AGMO: variants seen among roughly 807,000 people sequenced by gnomAD.
AGMO encodes the protein glyceryl-ether monooxygenase.
AGMO carries 75 observed loss-of-function variants against 60.2 expected under a neutral mutation model. The observed-to-expected ratio is 1.25, with a 90% CI of 1.03 to 1.51. The LOEUF is 1.51. AGMO is among the 40% of genes most tolerant of loss of function. AGMO has a pLI of 0.00. For synonymous variants in AGMO, 261 were observed against 177.1 expected (o/e 1.47, Z -3.76); for missense variants, 763 against 525.5 (o/e 1.45, Z -4.42).
intron 12 of AGMO, among the ~76,000 whole-genome samples, chr7:15,364,811 TTAAA>T (rs1262229364): frequency 2.6e-5 from 4 of 152,224 alleles, no homozygotes; most frequent in East Asian, 1.9e-4. Context: ...TGTTTAATGC[TTAAA>T]TAAAGTTATA....
chr7:15,171,305 G>A, the AGMO span, among the ~76,000 whole-genome samples: 9 of 152,266 alleles, frequency 5.9e-5, no homozygotes, highest in East Asian at 3.9e-4. Context: ...ATGGCAGGAA[G>A]ACCACAGAGG....
chr7:15,332,079 C>T (rs1199182769), intron 12 of AGMO, among the ~76,000 whole-genome samples: 3 of 152,062 alleles, frequency 2.0e-5, no homozygotes, highest in Non-Finnish European at 2.9e-5. Context: ...TGGAAGGAGC[C>T]TAGGTACCTA....
the AGMO span, among the ~76,000 whole-genome samples, chr7:15,127,504 T>C: frequency 6.6e-6 from 1 of 152,064 alleles, no homozygotes; most frequent in South Asian, 2.1e-4. Flanking sequence ...GCTTATTAAA[T>C]TCACTCTAAT....
At chr7:15,361,530 A>C in intron 12 of AGMO, among the ~76,000 whole-genome samples, 1 of 150,398 alleles carries the variant, frequency 6.6e-6, no homozygotes, top group South Asian at 2.1e-4. Context: ...ACAGAGCGAG[A>C]CTGTGTCTCA....
intron 3 of AGMO, among the ~76,000 whole-genome samples, chr7:15,544,266 G>C (rs1369953568): frequency 1.3e-5 from 2 of 152,026 alleles, no homozygotes; most frequent in Admixed American, 1.3e-4. Flanking sequence ...AATGGGTACA[G>C]GGTACAATGC....
rs1340992014 is a variant in AGMO at position 15,560,214 on chromosome 7, T to C, written c.184A>G (p.Lys62Glu). ...TCCAGGCGACCTGGTGGCTTTCCTT[T>C]GAGAATCCAGCTGACAACAAGTTCA... ...LLELVVSWIL[K>E]GKPPGRLDDA... is the part of the protein sequence containing the mutation. The change falls in exon 2 of 13, where the codon AAA (lysine) becomes GAA (glutamate). Residue 62 changes from lysine (K) to glutamate (E), a missense_variant. Transcript: ENST00000342526. The C allele has an allele frequency of 6.2e-7, 1 of 1,612,998 alleles. No homozygotes were observed. The highest frequency in any genetic ancestry group is 8.5e-7 in the Non-Finnish European group (1 of 1,179,356).
intron 3 of AGMO, among the ~76,000 whole-genome samples, chr7:15,465,595 A>ATATATATATATT (rs1782262842): frequency 6.8e-6 from 1 of 146,868 alleles, no homozygotes; most frequent in South Asian, 2.1e-4. Context: ...CTAATTATAT[A>ATATATATATATT]TATATATTTA....
chr7:15,277,509 G>A (rs1358545596), intron 12 of AGMO, among the ~76,000 whole-genome samples: 2 of 150,770 alleles, frequency 1.3e-5, no homozygotes, highest in African/African-American at 4.9e-5. Context: ...TCTTGCTTTT[G>A]GATTTGTTTT....
At chr7:15,259,989 A>C (rs1783220641) in intron 12 of AGMO, among the ~76,000 whole-genome samples, 1 of 150,748 alleles carries the variant, frequency 6.6e-6, no homozygotes, top group African/African-American at 2.4e-5. Context: ...CTTACAGTAT[A>C]AATCTCACAG....
intron 3 of AGMO, among the ~76,000 whole-genome samples, chr7:15,441,050 T>C (rs1391542679): frequency 6.6e-6 from 1 of 152,162 alleles, no homozygotes; most frequent in Non-Finnish European, 1.5e-5. Flanking sequence ...TAAATAATAT[T>C]TTTGATGACA....
In AGMO at chr7:15,312,423, A is replaced by G. The variant is rs187029715; in HGVS notation, c.1263+53091T>C. On this transcript the variant is annotated intron_variant, in intron 12 of 12. Coordinates refer to ENST00000342526, the MANE Select transcript of AGMO (RefSeq NM_001004320.2). The stretch of plus-strand genomic sequence containing the variant: ...AGTTTCCTTTAAGTAATTGAGTGTT[A>G]GAATGAGGGCTGACCTCTCAAGGGA... 3.9e-5 allele frequency among the ~76,000 whole-genome samples: 6 copies of G among 152,114 alleles called. No individual in the cohort carries two copies. The East Asian group carries it at 7.8e-4, about 20-fold the overall frequency.
At chr7:15,355,522 A>G (rs1175403830) in intron 12 of AGMO, among the ~76,000 whole-genome samples, 2 of 151,382 alleles carry the variant, frequency 1.3e-5, no homozygotes, top group Non-Finnish European at 2.9e-5. Context: ...AAAAAAAAAA[A>G]AAGAAGGTAA....
In AGMO at chr7:15,390,751, C is replaced by T. The variant is rs377717439; in HGVS notation, c.743-1G>A. The T allele has an allele frequency of 1.9e-6, 3 of 1,606,938 alleles. No individual in the cohort carries two copies. The African/African-American group carries it at 4.0e-5, about 22-fold the overall frequency. ...TTTTCATTTTCTGCTTCAAATGTCC[C>T]TGGAAGATAAATATAAAGATATGAG... On this transcript the variant is annotated splice_acceptor_variant, in intron 7 of 12. Transcript: ENST00000342526. LOFTEE classifies it high-confidence loss of function.
chr7:15,457,655 A>G (rs2128507634), intron 3 of AGMO, among the ~76,000 whole-genome samples: 1 of 152,332 alleles, frequency 6.6e-6, no homozygotes. Context: ...ATAAGATCCT[A>G]CATTTCATTC....
intron 5 of AGMO, among the ~76,000 whole-genome samples, chr7:15,399,874 G>T (rs1784509314): frequency 6.6e-6 from 1 of 152,144 alleles, no homozygotes; most frequent in South Asian, 2.1e-4. Flanking sequence ...TCTGGATAGT[G>T]ATTTCTAATG....
chr7:15,183,574 T>C, the AGMO span, among the ~76,000 whole-genome samples: 33 of 152,202 alleles, frequency 2.2e-4, no homozygotes, highest in African/African-American at 7.2e-5. Context: ...TCAACACTTT[T>C]GGTTCTTCTT....
At chr7:15,335,117 A>C (rs1781616368) in intron 12 of AGMO, among the ~76,000 whole-genome samples, 1 of 152,156 alleles carries the variant, frequency 6.6e-6, no homozygotes, top group South Asian at 2.1e-4. Flanking sequence ...AAATAAACTA[A>C]TGTAAAGTGT....
intron 5 of AGMO, among the ~76,000 whole-genome samples, chr7:15,400,965 A>G (rs565808073): frequency 3.3e-5 from 5 of 152,274 alleles, no homozygotes; most frequent in African/African-American, 1.2e-4. Flanking sequence ...ATTAAGTTGA[A>G]TAATGTAGAG....
chr7:15,297,762 G>C (rs1023004747), intron 12 of AGMO, among the ~76,000 whole-genome samples: 51 of 152,128 alleles, frequency 3.4e-4, no homozygotes, highest in Non-Finnish European at 5.9e-4. Context: ...TGAAATTATT[G>C]TCATATATGG....
Sources: gnomAD v4.1 joint callset for allele counts (sites outside exome capture counted in the v4.1 genomes callset) on GRCh38, gnomAD v4.1.1 for gene constraint, MANE v1.5 for transcripts, NCBI Gene and HGNC (gene_info 2026-07-23, HGNC 2026-07-21) for gene names.